AUTS2: variants seen among roughly 807,000 people sequenced by gnomAD.
AUTS2 encodes the protein activator of transcription and developmental regulator AUTS2, also known as autism susceptibility gene 2 protein.
AUTS2 carries 17 observed loss-of-function variants against 112.4 expected under a neutral mutation model. The observed-to-expected ratio is 0.15, with a 90% CI of 0.10 to 0.23. The LOEUF (loss-of-function observed/expected upper bound fraction) is 0.23, where lower values mean the gene tolerates loss of function less well. Among genes scored for constraint, AUTS2 ranks in the 10% least tolerant of loss-of-function variants. The pLI, the probability that AUTS2 is intolerant of heterozygous loss-of-function variation, is 1.00. For missense variants in AUTS2, 1,510 were observed against 1,701.6 expected, an observed-to-expected ratio of 0.89 and a Z score of 1.98; for synonymous variants, 751 against 702.7, an observed-to-expected ratio of 1.07 and a Z score of -1.09.
intron 2 of AUTS2, among the ~76,000 whole-genome samples, chr7:70,016,181 G>C (rs1476308934): frequency 2.6e-5 from 4 of 152,102 alleles, no homozygotes; most frequent in African/African-American, 9.7e-5. Context: ...GAGTTTCAGT[G>C]GTCAAGGGAA....
chr7:69,712,325 A>G (rs1447500807), intron 1 of AUTS2, among the ~76,000 whole-genome samples: 1 of 152,212 alleles, frequency 6.6e-6, no homozygotes, highest in African/African-American at 2.4e-5. Context: ...AGTGAGGATC[A>G]TGAACACATT....
At chr7:70,347,635 G>A (rs1650792702) in intron 4 of AUTS2, among the ~76,000 whole-genome samples, 1 of 152,158 alleles carries the variant, frequency 6.6e-6, no homozygotes, top group South Asian at 2.1e-4. Context: ...ACAGAGATCT[G>A]TCCTGGGGAC....
At position 70,130,694 on chromosome 7, in the gene AUTS2, A is replaced by C. The variant is rs189128845; in HGVS notation, c.625-3842A>C. On this transcript the variant is annotated intron_variant, in intron 3 of 18. Coordinates refer to ENST00000342771, the MANE Select transcript of AUTS2 (RefSeq NM_015570.4). ...AGCAGTGGTCAAATATGAAAAAAAAAAATCCAGCAGAATGAAAAGACCATG... is the reference window on the plus strand; with the variant it reads ...AGCAGTGGTCAAATATGAAAAAAAACAATCCAGCAGAATGAAAAGACCATG... Among the ~76,000 whole-genome samples, 668 of 152,262 alleles carry C rather than the reference A, an allele frequency of 4.4e-3. 9 individuals are homozygous for C. Among genetic ancestry groups the C allele is most frequent in the African/African-American group, 0.015 (628 of 41,552 alleles).
At chr7:69,744,901 C>T (rs1300305581) in intron 1 of AUTS2, among the ~76,000 whole-genome samples, 2 of 152,128 alleles carry the variant, frequency 1.3e-5, no homozygotes, top group South Asian at 4.1e-4. Context: ...TAAACAGGCT[C>T]CTTAGAAAGT....
At chr7:70,656,755 TTACA>T (rs1484006524) in intron 5 of AUTS2, among the ~76,000 whole-genome samples, 1 of 152,192 alleles carries the variant, frequency 6.6e-6, no homozygotes, top group East Asian at 1.9e-4. Context: ...TGCAATAGGA[TTACA>T]GGAGGACATC....
intron 5 of AUTS2, among the ~76,000 whole-genome samples, chr7:70,592,017 C>T (rs755474071): frequency 6.6e-6 from 1 of 151,980 alleles, no homozygotes; most frequent in Non-Finnish European, 1.5e-5. Context: ...GTTATAAATG[C>T]AATATATGCT....
intron 5 of AUTS2, among the ~76,000 whole-genome samples, chr7:70,580,285 G>A (rs909609749): frequency 2.6e-5 from 4 of 152,196 alleles, no homozygotes; most frequent in South Asian, 2.1e-4. Flanking sequence ...GCGCTGTAGC[G>A]TGGCTGCCTG....
In AUTS2 at chr7:69,866,700, A is replaced by G. The variant is rs193224708; in HGVS notation, c.310-32586A>G. Among the ~76,000 whole-genome samples the G allele has an allele frequency of 2.5e-3, 384 of 152,344 alleles. 2 individuals are homozygous for G. The highest frequency in any genetic ancestry group is 8.7e-3 in the African/African-American group (363 of 41,584). On this transcript the variant is annotated intron_variant, in intron 1 of 18. Coordinates refer to ENST00000342771, the MANE Select transcript of AUTS2 (RefSeq NM_015570.4). The stretch of plus-strand genomic sequence containing the variant: ...ATTCCTGTCACAGTAGATGATGTAC[A>G]CTTACAGCAGAAGACGATGGTTAGA...
intron 4 of AUTS2, among the ~76,000 whole-genome samples, chr7:70,254,614 G>A (rs983770266): frequency 6.6e-6 from 1 of 151,974 alleles, no homozygotes; most frequent in African/African-American, 2.4e-5. Flanking sequence ...TTCCTTTTTC[G>A]GGCAAATGCT....
chr7:69,765,670 T>G (rs1788388415), intron 1 of AUTS2, among the ~76,000 whole-genome samples: 1 of 152,134 alleles, frequency 6.6e-6, no homozygotes, highest in South Asian at 2.1e-4. Context: ...CCGGGCACGG[T>G]GGCTCATGCC....
chr7:70,211,973 G>A (rs1404783842), intron 4 of AUTS2, among the ~76,000 whole-genome samples: 2 of 152,228 alleles, frequency 1.3e-5, no homozygotes, highest in South Asian at 2.1e-4. Flanking sequence ...GCAACAGAGC[G>A]AGACTCCGTC....
intron 1 of AUTS2, among the ~76,000 whole-genome samples, chr7:69,645,753 G>A (rs1262507712): frequency 6.6e-6 from 1 of 152,116 alleles, no homozygotes; most frequent in Non-Finnish European, 1.5e-5. Context: ...AGGGTTTGGA[G>A]GAGGGGAGGA....
chr7:70,025,448 TC>T (rs1235245982), intron 2 of AUTS2, among the ~76,000 whole-genome samples: 3 of 151,118 alleles, frequency 2.0e-5, no homozygotes, highest in Non-Finnish European at 4.4e-5. Flanking sequence ...TTTTTTTGTT[TC>T]CTTTTTTTTT....
chr7:69,622,199 C>A (rs1793702641), intron 1 of AUTS2, among the ~76,000 whole-genome samples: 1 of 152,032 alleles, frequency 6.6e-6, no homozygotes, highest in Non-Finnish European at 1.5e-5. Context: ...TCTGGTATTC[C>A]AAAACAAATT....
At chr7:69,774,075 C>T (rs375968643) in intron 1 of AUTS2, among the ~76,000 whole-genome samples, 23 of 152,320 alleles carry the variant, frequency 1.5e-4, no homozygotes, top group East Asian at 1.4e-3. Context: ...AGTCCACACC[C>T]ACCACCCCAT....
intron 2 of AUTS2, among the ~76,000 whole-genome samples, chr7:70,066,669 A>C (rs1802510831): frequency 6.6e-6 from 1 of 151,310 alleles, no homozygotes; most frequent in Non-Finnish European, 1.5e-5. Flanking sequence ...CCTCCTGAAT[A>C]GCTGGTACTA....
At chr7:70,343,473 A>C (rs921626712) in intron 4 of AUTS2, among the ~76,000 whole-genome samples, 1 of 152,260 alleles carries the variant, frequency 6.6e-6, no homozygotes, top group Non-Finnish European at 1.5e-5. Flanking sequence ...CTGAGAACGC[A>C]TGGATGGAAA....
intron 2 of AUTS2, among the ~76,000 whole-genome samples, chr7:70,110,115 A>G (rs894660477): frequency 1.3e-5 from 2 of 152,258 alleles, no homozygotes; most frequent in African/African-American, 2.4e-5. Flanking sequence ...GAGCGTGTCT[A>G]TAGTAATGAT....
intron 2 of AUTS2, among the ~76,000 whole-genome samples, chr7:69,997,662 G>A (rs1450756660): frequency 6.6e-6 from 1 of 152,076 alleles, no homozygotes; most frequent in Non-Finnish European, 1.5e-5. Context: ...GAGATGCCAG[G>A]CTCTTTTAAA....
Sources: gnomAD v4.1 joint callset for allele counts (sites outside exome capture counted in the v4.1 genomes callset) on GRCh38, gnomAD v4.1.1 for gene constraint, MANE v1.5 for transcripts, NCBI Gene and HGNC (gene_info 2026-07-23, HGNC 2026-07-21) for gene names.